SLC9D1: variants seen among roughly 807,000 people sequenced by gnomAD.
SLC9D1 encodes the protein putative LAG1-interacting protein.
At chr13:113,522,646 G>A in the SLC9D1 span, among the ~76,000 whole-genome samples, 1 of 150,672 alleles carries the variant, frequency 6.6e-6, no homozygotes, top group African/African-American at 2.4e-5. Flanking sequence ...GGCTGTTGTT[G>A]TTTTTGAGAT....
the SLC9D1 span, among the ~76,000 whole-genome samples, chr13:113,502,597 G>A: frequency 6.6e-6 from 1 of 152,178 alleles, no homozygotes; most frequent in Non-Finnish European, 1.5e-5. Context: ...GGGGCTGTTT[G>A]CTGGGCCCCG....
At chr13:113,547,817 G>A in the SLC9D1 span, among the ~76,000 whole-genome samples, 19 of 152,148 alleles carry the variant, frequency 1.2e-4, no homozygotes, top group African/African-American at 4.3e-4. Context: ...TGGCTTTCTG[G>A]CTCATAGACA....
At chr13:113,505,261 C>CT in the SLC9D1 span, 1 of 152,152 alleles carries the variant, frequency 6.6e-6, no homozygotes, top group Non-Finnish European at 1.5e-5. Flanking sequence ...GATTTGTACA[C>CT]TCTTTTTGGA....
At chr13:113,537,847 TC>T in the SLC9D1 span, among the ~76,000 whole-genome samples, 3 of 152,040 alleles carry the variant, frequency 2.0e-5, no homozygotes, top group African/African-American at 4.8e-5. Flanking sequence ...AAGACCTCCT[TC>T]CCCCCTTCTA....
the SLC9D1 span, among the ~76,000 whole-genome samples, chr13:113,542,804 A>C: frequency 1.3e-5 from 2 of 152,194 alleles, no homozygotes; most frequent in South Asian, 2.1e-4. Flanking sequence ...CAAACGGAAA[A>C]TTCAAAAGCT....
the SLC9D1 span, among the ~76,000 whole-genome samples, chr13:113,542,342 C>T: frequency 2.7e-4 from 24 of 89,194 alleles, 2 homozygotes; most frequent in Admixed American, 6.0e-4. Flanking sequence ...TGCTTTATTA[C>T]CGCCGAGATG....
At chr13:113,535,403 C>T in the SLC9D1 span, 5 of 152,156 alleles carry the variant, frequency 3.3e-5, no homozygotes, top group African/African-American at 1.2e-4. This position sits in a 1 kb window ranked among gnomAD's most constrained non-coding sequence, Gnocchi z 4.1. Context: ...CACCATTGTC[C>T]CAACAGTGCA....
chr13:113,547,450 T>C, the SLC9D1 span: 24 of 1,292,232 alleles, frequency 1.9e-5, no homozygotes, highest in South Asian at 2.1e-4. Context: ...GGCCCTGGTT[T>C]CCAGTGGGGC....
At chr13:113,517,651 G>A in the SLC9D1 span, among the ~76,000 whole-genome samples, 1 of 152,120 alleles carries the variant, frequency 6.6e-6, no homozygotes, top group African/African-American at 2.4e-5. Context: ...ATATAGTGGT[G>A]GTCAAAAACG....
the SLC9D1 span, among the ~76,000 whole-genome samples, chr13:113,538,259 G>T: frequency 6.6e-6 from 1 of 152,058 alleles, no homozygotes; most frequent in South Asian, 2.1e-4. Flanking sequence ...GTATGTGTTC[G>T]TGTGTGTCTG....
the SLC9D1 span, chr13:113,500,173 C>T: frequency 2.2e-6 from 3 of 1,367,146 alleles, no homozygotes; most frequent in Admixed American, 7.8e-5. Flanking sequence ...GTGGGGATGC[C>T]TGCCTTCCCC....
At chr13:113,515,088 G>A in the SLC9D1 span, among the ~76,000 whole-genome samples, 1 of 152,174 alleles carries the variant, frequency 6.6e-6, no homozygotes, top group Admixed American at 6.5e-5. Context: ...CATTCTCCAT[G>A]GGAATGTAAA....
At chr13:113,520,169 G>A in the SLC9D1 span, among the ~76,000 whole-genome samples, 1 of 152,182 alleles carries the variant, frequency 6.6e-6, no homozygotes, top group Non-Finnish European at 1.5e-5. Flanking sequence ...TTCTCAAAGA[G>A]ATTTTAAAGT....
the SLC9D1 span, chr13:113,530,575 G>A: frequency 6.6e-6 from 1 of 151,980 alleles, no homozygotes; most frequent in East Asian, 1.9e-4. Flanking sequence ...AATAACGAGG[G>A]AAAATTTATA....
the SLC9D1 span, among the ~76,000 whole-genome samples, chr13:113,544,433 G>A: frequency 9.2e-5 from 13 of 141,400 alleles, no homozygotes; most frequent in Admixed American, 4.1e-4. Context: ...GGAGCAGGTG[G>A]TCTTCCCACT....
chr13:113,528,188 G>A, the SLC9D1 span: 3 of 152,096 alleles, frequency 2.0e-5, no homozygotes, highest in African/African-American at 7.3e-5. Context: ...TGATTTTCCC[G>A]ATTCTTAATA....
chr13:113,499,901 T>C, the SLC9D1 span: 1 of 1,119,254 alleles, frequency 8.9e-7, no homozygotes, highest in Non-Finnish European at 1.2e-6. Flanking sequence ...GCGTTCATTC[T>C]CCAAAAATTG....
At chr13:113,533,897 AG>A in the SLC9D1 span, 5 of 661,736 alleles carry the variant, frequency 7.6e-6, no homozygotes, top group Non-Finnish European at 1.3e-5. Flanking sequence ...TATGATTCAT[AG>A]GTGTTTTTGT....
the SLC9D1 span, among the ~76,000 whole-genome samples, chr13:113,533,647 T>A: frequency 6.6e-6 from 1 of 152,192 alleles, no homozygotes; most frequent in South Asian, 2.1e-4. Flanking sequence ...TTGCTGACGG[T>A]CGCTGGAGTT....
Sources: allele counts gnomAD v4.1 joint callset (sites outside exome capture counted in the v4.1 genomes callset), GRCh38; gene constraint gnomAD v4.1.1; non-coding constraint Gnocchi (gnomAD v3.1); transcripts MANE v1.5; gene names NCBI Gene and HGNC (gene_info 2026-07-23, HGNC 2026-07-21).